SNX19: variants seen among roughly 807,000 people sequenced by gnomAD.
The protein encoded by SNX19 is sorting nexin 19, also known as sorting nexin-19.
SNX19 carries 60 observed loss-of-function variants against 85.2 expected under a neutral mutation model. The ratio of observed to expected loss-of-function variants is 0.70; its 90% CI spans 0.57 to 0.87. The LOEUF (loss-of-function observed/expected upper bound fraction) is 0.87, where lower values mean the gene tolerates loss of function less well. Among genes scored for constraint, SNX19 ranks in the 40% least tolerant of loss-of-function variants. SNX19 has a pLI of 0.00. For missense variants in SNX19, 1,201 were observed against 1,217.8 expected, an observed-to-expected ratio of 0.99 and a Z score of 0.21; for synonymous variants, 520 against 470.0, an observed-to-expected ratio of 1.11 and a Z score of -1.38.
At position 130,871,413 on chromosome 11, in the gene SNX19, T is replaced by C. The variant is rs187580767; in HGVS notation, c.*7009A>G. Among the ~76,000 whole-genome samples, 6 of 152,318 alleles carry C rather than the reference T, an allele frequency of 3.9e-5. No homozygotes were observed. Among genetic ancestry groups the C allele is most frequent in the Admixed American group, 3.9e-4 (6 of 15,298 alleles). On this transcript the variant is annotated 3_prime_UTR_variant, in exon 11 of 11. Transcript: ENST00000265909. ...GTCAGCTCACTGAATTTGGATTCCA[T>C]GCAAGCAGGATGTGTAAAGGAGGTA...
chr11:130,914,491 T>G lies in SNX19; in HGVS notation c.1449A>C (p.Leu483Phe), dbSNP rs1218495841. The change falls in exon 1 of 11, where the codon TTA becomes TTC. Residue 483 changes from leucine (L) to phenylalanine (F), a missense_variant. This residue lies in a region of SNX19 where 791 missense variants were observed against 750.9 expected (regional missense o/e 1.05). Coordinates refer to ENST00000265909, the MANE Select transcript of SNX19 (RefSeq NM_014758.3). ...TCACATCATTGGTGAGATCCTTCTC[T>G]AAGCATGACGGCCGTGAGGGGCAGG... ...EKTCPSRPSC[L>F]EKDLTNDVSS... 6.2e-7 allele frequency: 1 copy of G among 1,613,930 alleles called. No homozygotes were observed. Among genetic ancestry groups the G allele is most frequent in the East Asian group, 2.2e-5 (1 of 44,880 alleles).
In SNX19 at chr11:130,910,120, C is replaced by T. The variant is rs1781; in HGVS notation, c.1932G>A (p.Pro644=). 0.65 allele frequency: 1,041,769 copies of T among 1,613,718 alleles called. 343,059 individuals carry two copies. The highest frequency in any genetic ancestry group is 0.8 in the South Asian group (72,517 of 91,060). The change falls in exon 4 of 11, where the codon CCG becomes CCA. Residue 644 remains proline (P), a synonymous_variant. Coordinates refer to ENST00000265909, the MANE Select transcript of SNX19 (RefSeq NM_014758.3). ...ESFLKQLCAI[P]EIANSEEVQE... is the part of the protein sequence containing the mutation. ...GCACCTCCTCACTGTTAGCGATCTCCGGAATGGCACAGAGTTGCTGCAAAA... is the reference window on the plus strand; with the variant it reads ...GCACCTCCTCACTGTTAGCGATCTCTGGAATGGCACAGAGTTGCTGCAAAA...
At chr11:130,907,837 T>C in intron 5 of SNX19, 116 bp downstream of exon 5, 1 of 1,473,762 alleles carries the variant, frequency 6.8e-7, no homozygotes. Context: ...TAAAAACTGG[T>C]ATGTCTGACC....
intron 8 of SNX19, among the ~76,000 whole-genome samples, chr11:130,888,434 T>A (rs1944244614): frequency 6.6e-6 from 1 of 152,184 alleles, no homozygotes; most frequent in Admixed American, 6.5e-5. Context: ...ACAAATTACT[T>A]AAATGTACTA....
At chr11:130,888,787 A>G (rs1176638869) in intron 8 of SNX19, among the ~76,000 whole-genome samples, 1 of 152,222 alleles carries the variant, frequency 6.6e-6, no homozygotes, top group African/African-American at 2.4e-5. Flanking sequence ...GTTAAGTTTC[A>G]TGGGATATAA....
intron 8 of SNX19, among the ~76,000 whole-genome samples, chr11:130,902,734 C>T (rs1945342286): frequency 6.6e-6 from 1 of 152,178 alleles, no homozygotes; most frequent in Admixed American, 6.5e-5. Flanking sequence ...TTAGAAAAGC[C>T]AACTTGCAAA....
chr11:130,893,308 G>A (rs1944629432), intron 8 of SNX19, among the ~76,000 whole-genome samples: 1 of 152,076 alleles, frequency 6.6e-6, no homozygotes, highest in African/African-American at 2.4e-5. Context: ...AAATTATTAG[G>A]GATTTATTTA....
chr11:130,912,487 T>C (rs1946203071), intron 1 of SNX19, among the ~76,000 whole-genome samples: 1 of 152,176 alleles, frequency 6.6e-6, no homozygotes, highest in Non-Finnish European at 1.5e-5. Flanking sequence ...CAACTCAGCA[T>C]GGGGGCACAC....
Position 130,867,618 on chromosome 11 carries a change from CT to C in SNX19, c.*10803del, listed in dbSNP as rs1431855056. 6.6e-6 allele frequency: 1 copy of C among 152,192 alleles called. No individual in the cohort carries two copies. The highest frequency in any genetic ancestry group is 1.5e-5 in the Non-Finnish European group (1 of 68,032). 9.4% of individuals were successfully genotyped at this position (152,192 alleles called of 1,614,324 possible). A position where few individuals can be genotyped will look rare whatever the true frequency, so the allele number is the denominator to read the frequency against. On this transcript the variant is annotated 3_prime_UTR_variant, in exon 11 of 11. Transcript: ENST00000265909. Reference sequence around the variant, plus strand: ...TTTCAAGAAGAGAATCCCCGGGTTTCTTTCCTTTCTTCCTTCCTTAAATTGA... The same window carrying C: ...TTTCAAGAAGAGAATCCCCGGGTTTCTTCCTTTCTTCCTTCCTTAAATTGA...
At position 130,911,635 on chromosome 11, in the gene SNX19, T is replaced by C. The variant is rs776712776; in HGVS notation, c.1811A>G (p.Lys604Arg). The C allele has an allele frequency of 1.9e-6, 3 of 1,614,024 alleles. No individual in the cohort carries two copies. Among genetic ancestry groups the C allele is most frequent in the South Asian group, 2.2e-5 (2 of 91,078 alleles). The change falls in exon 2 of 11, where the codon AAA (lysine) becomes AGA (arginine). Residue 604 changes from lysine to arginine, a missense_variant and splice_region_variant. Physicochemically the swap from Lys to Arg is conservative, Grantham distance 26 (BLOSUM62 2). Around this residue, in one of 3 missense-constraint regions of SNX19, gnomAD observed 791 missense variants for 750.9 expected, o/e 1.05. Coordinates refer to ENST00000265909, the MANE Select transcript of SNX19 (RefSeq NM_014758.3). The stretch of plus-strand genomic sequence containing the variant: ...TAGGGGTTGGGGAAACTCCTGACTT[T>C]TGATGAACTTTCGTAGATCTGGTTT... Reference protein sequence around the residue: ...EEKPDLRKFIKNVKGPKKLFP... With the variant: ...EEKPDLRKFIRNVKGPKKLFP...
At chr11:130,910,408 T>A in intron 2 of SNX19, 38 bp from the exon 3 acceptor site, 2 of 1,386,496 alleles carry the variant, frequency 1.4e-6, no homozygotes, top group Non-Finnish European at 2.0e-6. Flanking sequence ...TTCACTCATT[T>A]AACATTCACA....
At chr11:130,908,202 G>T in intron 4 of SNX19, 119 bp from the exon 5 acceptor site, 1 of 1,182,674 alleles carries the variant, frequency 8.5e-7, no homozygotes, top group Non-Finnish European at 1.2e-6. Context: ...AGGCTATCTA[G>T]CAAAGCCTTA....
chr11:130,895,751 C>G (rs1213473888), intron 8 of SNX19, among the ~76,000 whole-genome samples: 1 of 152,236 alleles, frequency 6.6e-6, no homozygotes, highest in Non-Finnish European at 1.5e-5. Flanking sequence ...CTCAGGCACA[C>G]GGCTGTCAGC....
chr11:130,881,574 CCT>C (rs1283021877), intron 8 of SNX19, among the ~76,000 whole-genome samples: 1 of 152,216 alleles, frequency 6.6e-6, no homozygotes, highest in African/African-American at 2.4e-5. Flanking sequence ...TAAACAAATT[CCT>C]CTCTCTACCT....
chr11:130,906,826 C>A, intron 5 of SNX19, 105 bp from the exon 6 acceptor site: 1 of 826,770 alleles, frequency 1.2e-6, no homozygotes, highest in South Asian at 1.5e-5. Flanking sequence ...AATATCCATA[C>A]TTATTCTGGG....
rs113443263 is a variant in SNX19, at chr11:130,903,501, T to C, written c.2444-117A>G. The C allele has an allele frequency of 2.6e-3, 2,922 of 1,125,660 alleles. 67 individuals are homozygous for C. The African/African-American group carries it at 0.04, about 15-fold the overall frequency. 69.7% of individuals were successfully genotyped at this position (1,125,660 alleles called of 1,614,324 possible). On this transcript the variant is annotated intron_variant, in intron 7 of 10. Coordinates refer to ENST00000265909, the MANE Select transcript of SNX19 (RefSeq NM_014758.3). ...CCTTCATGCCAATCATCTGGTATTTTTGCAATCCCTCTACACTCAAATCAA... is the reference window on the plus strand; with the variant it reads ...CCTTCATGCCAATCATCTGGTATTTCTGCAATCCCTCTACACTCAAATCAA...
At chr11:130,884,921 A>G (rs556065803) in intron 8 of SNX19, among the ~76,000 whole-genome samples, 2 of 152,220 alleles carry the variant, frequency 1.3e-5, no homozygotes, top group South Asian at 2.1e-4. Context: ...TTTACTAAAT[A>G]CAAATGCTCT....
chr11:130,912,884 A>G (rs1426825239), intron 1 of SNX19, among the ~76,000 whole-genome samples: 1 of 152,168 alleles, frequency 6.6e-6, no homozygotes, highest in African/African-American at 2.4e-5. Flanking sequence ...ACCGAAAACT[A>G]TTTACTATCA....
chr11:130,907,626 T>C (rs961179170), intron 5 of SNX19, among the ~76,000 whole-genome samples: 3 of 152,162 alleles, frequency 2.0e-5, no homozygotes, highest in Non-Finnish European at 2.9e-5. Context: ...TAATTCTTAG[T>C]AGGAAAGAAA....
Sources: gnomAD v4.1 joint callset for allele counts (sites outside exome capture counted in the v4.1 genomes callset) on GRCh38, gnomAD v4.1.1 for gene constraint, gnomAD v4.1.1 regional missense constraint, MANE v1.5 for transcripts, NCBI Gene and HGNC (gene_info 2026-07-23, HGNC 2026-07-21) for gene names.